MGAT5B: variants seen among roughly 807,000 people sequenced by gnomAD.
MGAT5B encodes the protein alpha-1,6-mannosylglycoprotein 6-beta-N-acetylglucosaminyltransferase B, also known as N-acetylglucosaminyl-transferase Vb.
Under a neutral mutation model 95.1 loss-of-function variants are expected in MGAT5B, and 54 were observed. That is an observed-to-expected ratio of 0.57 (90% CI 0.46 to 0.71). The LOEUF (loss-of-function observed/expected upper bound fraction) is 0.71. MGAT5B is among the 30% of genes least tolerant of loss of function. The pLI is 0.00. For synonymous variants in MGAT5B, 464 were observed against 451.0 expected (o/e 1.03, Z -0.36); for missense variants, 935 against 1,088.6 (o/e 0.86, Z 1.99).
At chr17:76,944,457 T>TG (rs1969973146) in intron 15 of MGAT5B, among the ~76,000 whole-genome samples, 1 of 152,104 alleles carries the variant, frequency 6.6e-6, no homozygotes, top group Non-Finnish European at 1.5e-5. Flanking sequence ...CAGAAGTGTG[T>TG]GGGGCTCAGA....
At chr17:76,874,048 C>T (rs1271746871) in intron 2 of MGAT5B, among the ~76,000 whole-genome samples, 1 of 152,190 alleles carries the variant, frequency 6.6e-6, no homozygotes. Flanking sequence ...TTCACATGCA[C>T]TTCTTTAAAC....
At chr17:76,893,773 T>C (rs925214500) in intron 3 of MGAT5B, among the ~76,000 whole-genome samples, 5 of 152,134 alleles carry the variant, frequency 3.3e-5, no homozygotes, top group African/African-American at 1.2e-4. Context: ...GTTATCCCAG[T>C]GGAAATAGCC....
rs184148357 is a variant in MGAT5B, at chr17:76,938,549, C to G, written c.1584+406C>G. ...GCTAGAGTGCCATTGAGCCACTAGT[C>G]CTGAGTGACTGCTTCAGGGGTCCCT... On this transcript the variant is annotated intron_variant, in intron 13 of 17. Transcript: ENST00000569840. The surrounding 1 kb of genome is among the most constrained non-coding windows in gnomAD (Gnocchi z 4.3). 6.6e-6 allele frequency among the ~76,000 whole-genome samples: 1 copy of G among 152,274 alleles called. No homozygotes were observed. The highest frequency in any genetic ancestry group is 1.5e-5 in the Non-Finnish European group (1 of 68,024).
At position 76,869,193 on chromosome 17, in the gene MGAT5B, G is replaced by A; in HGVS notation, c.68+96G>A. On this transcript the variant is annotated intron_variant, in intron 1 of 17. Transcript: ENST00000569840. The surrounding 1 kb of genome is among the most constrained non-coding windows in gnomAD (Gnocchi z 7.0). Reference sequence around the variant, plus strand: ...CGAACGTTCAAGTCCTGGTGGCAGAGGGGGCGGTTCACACTTCAACCCCTG... The same window carrying A: ...CGAACGTTCAAGTCCTGGTGGCAGAAGGGGCGGTTCACACTTCAACCCCTG... 8.9e-7 allele frequency: 1 copy of A among 1,128,360 alleles called. No individual in the cohort carries two copies. The allele number at this position is 1,128,360 out of a possible 1,614,324, so 69.9% of individuals were successfully genotyped here.
rs796145324 is a variant in MGAT5B, at chr17:76,922,294, C to T, written c.1026-2672C>T. Among the ~76,000 whole-genome samples, 20 of 152,264 alleles carry T rather than the reference C, an allele frequency of 1.3e-4. 1 individual carries two copies. Among genetic ancestry groups the T allele is most frequent in the African/African-American group, 4.8e-4 (20 of 41,542 alleles). On this transcript the variant is annotated intron_variant, in intron 8 of 17. Coordinates refer to ENST00000569840, the MANE Select transcript of MGAT5B (RefSeq NM_001199172.2). Reference sequence around the variant, plus strand: ...TCTTAATTTTACTAGACCCAGATTCCATGTGGGAGGAGCAGCCACCCCCTT... The same window carrying T: ...TCTTAATTTTACTAGACCCAGATTCTATGTGGGAGGAGCAGCCACCCCCTT...
intron 3 of MGAT5B, among the ~76,000 whole-genome samples, chr17:76,886,693 G>A (rs1274065949): frequency 6.6e-6 from 1 of 152,202 alleles, no homozygotes; most frequent in Non-Finnish European, 1.5e-5. Context: ...TGTGGCCGGA[G>A]GACCTGGTGA....
chr17:76,893,887 G>A (rs4789365), intron 3 of MGAT5B, among the ~76,000 whole-genome samples: 11,862 of 152,246 alleles, frequency 0.078, 708 homozygotes, highest in Admixed American at 0.18. Context: ...CCCCCACCCT[G>A]TGCATGGACC....
rs898216310 is a variant in MGAT5B, at chr17:76,916,569, C to T, written c.1026-8397C>T. Among the ~76,000 whole-genome samples the T allele has an allele frequency of 2.6e-5, 4 of 152,200 alleles. No individual in the cohort carries two copies. Among genetic ancestry groups the T allele is most frequent in the African/African-American group, 7.2e-5 (3 of 41,456 alleles). The stretch of plus-strand genomic sequence containing the variant: ...CCAGCACTTTGGGAGGCTGGGATTA[C>T]AGGCAGATCCCTTGAGTCTAGGAGT... On this transcript the variant is annotated intron_variant, in intron 8 of 17. Coordinates refer to ENST00000569840, the MANE Select transcript of MGAT5B (RefSeq NM_001199172.2). The surrounding 1 kb of genome is among the most constrained non-coding windows in gnomAD (Gnocchi z 5.3).
At chr17:76,946,762 T>C (rs1337510247) in intron 16 of MGAT5B, among the ~76,000 whole-genome samples, 1 of 152,230 alleles carries the variant, frequency 6.6e-6, no homozygotes, top group Non-Finnish European at 1.5e-5. Flanking sequence ...GTCTGCTAAC[T>C]GATTGGGATT....
chr17:76,948,778 G>A lies in MGAT5B; in HGVS notation c.2319G>A (p.Arg773=). 1 of 1,608,578 alleles carries A rather than the reference G, an allele frequency of 6.2e-7. No homozygotes were observed. Among genetic ancestry groups the A allele is most frequent in the East Asian group, 2.2e-5 (1 of 44,642 alleles). ...SCAGSNTKYR[R]LCPCRDFRKG... ...CCGGCTCCAACACCAAGTACCGCCGGCTCTGCCCCTGCCGCGACTTCCGCA... is the reference window on the plus strand; with the variant it reads ...CCGGCTCCAACACCAAGTACCGCCGACTCTGCCCCTGCCGCGACTTCCGCA... The change falls in exon 18 of 18, where the codon CGG becomes CGA. Residue 773 remains arginine, a synonymous_variant. Transcript: ENST00000569840.
chr17:76,925,153 C>G, intron 9 of MGAT5B, 56 bp downstream of exon 9: 1 of 1,603,480 alleles, frequency 6.2e-7, no homozygotes, highest in Non-Finnish European at 8.5e-7. Context: ...GAGAAAGCTC[C>G]TCCTTCACGC....
At chr17:76,894,098 C>G (rs985391899) in intron 3 of MGAT5B, among the ~76,000 whole-genome samples, 2 of 152,154 alleles carry the variant, frequency 1.3e-5, no homozygotes, top group Non-Finnish European at 2.9e-5. Context: ...GCCTGGAGGC[C>G]CCTCGTAAGC....
Position 76,905,635 on chromosome 17 carries a change from C to T in MGAT5B, c.855+302C>T, listed in dbSNP as rs1313816207. 7.9e-5 allele frequency among the ~76,000 whole-genome samples: 12 copies of T among 152,166 alleles called. No homozygotes were observed. The highest frequency in any genetic ancestry group is 1.8e-4 in the Non-Finnish European group (12 of 68,016). ...AAGTTGGGAATGTTCTGGGGAGCTT[C>T]GTTAGCTCATGCCTCCATTCTTCCT... On this transcript the variant is annotated intron_variant, in intron 7 of 17. Coordinates refer to ENST00000569840, the MANE Select transcript of MGAT5B (RefSeq NM_001199172.2). This position sits in a 1 kb window ranked among gnomAD's most constrained non-coding sequence, Gnocchi z 4.2.
intron 3 of MGAT5B, among the ~76,000 whole-genome samples, chr17:76,897,693 C>CTT (rs1968123644): frequency 9.5e-6 from 1 of 105,510 alleles, no homozygotes; most frequent in African/African-American, 4.8e-5. Flanking sequence ...TTCTTTCTTT[C>CTT]TTTCTTTCTT....
chr17:76,937,892 C>T lies in MGAT5B; in HGVS notation c.1429-96C>T, dbSNP rs550415834. 1.5e-3 allele frequency: 2,181 copies of T among 1,471,476 alleles called. 3 individuals are homozygous for T. Among genetic ancestry groups the T allele is most frequent in the Middle Eastern group, 2.2e-3 (12 of 5,436 alleles). The allele number at this position is 1,471,476 out of a possible 1,614,324, so 91.2% of individuals were successfully genotyped here. ...TTAATGGCCAACCTGAGACTGGGTC[C>T]ACATCTTCTGACTTCCAGACCAAAG... On this transcript the variant is annotated intron_variant, in intron 12 of 17. Coordinates refer to ENST00000569840, the MANE Select transcript of MGAT5B (RefSeq NM_001199172.2).
At chr17:76,892,597 A>G (rs4789363) in intron 3 of MGAT5B, among the ~76,000 whole-genome samples, 30,928 of 152,256 alleles carry the variant, frequency 0.2, 3,725 homozygotes, top group East Asian at 0.38. Flanking sequence ...CATGATCCTC[A>G]CAGTGACAGC....
chr17:76,934,894 G>A (rs1256712911), intron 12 of MGAT5B, among the ~76,000 whole-genome samples: 1 of 152,172 alleles, frequency 6.6e-6, no homozygotes, highest in Non-Finnish European at 1.5e-5. Context: ...GCCTTCCAGA[G>A]TACAGGGGAT....
rs1475156853 is a variant in MGAT5B at position 76,937,437 on chromosome 17, T to C, written c.1429-551T>C. Among the ~76,000 whole-genome samples the C allele has an allele frequency of 2.0e-5, 3 of 151,112 alleles. No homozygotes were observed. In the East Asian group the frequency reaches 5.8e-4, roughly 29 times the overall value. On this transcript the variant is annotated intron_variant, in intron 12 of 17. Transcript: ENST00000569840. ...GGGTGGATGAGTGGATGGGTGGATG[T>C]TTGAGAGGGATGGATGGGTGAATGG...
chr17:76,939,902 T>G (rs757868269), intron 13 of MGAT5B, among the ~76,000 whole-genome samples: 7 of 152,228 alleles, frequency 4.6e-5, no homozygotes, highest in Admixed American at 3.9e-4. Flanking sequence ...TGTACCATAC[T>G]TTCTTTATCC....
Sources: allele counts gnomAD v4.1 joint callset (sites outside exome capture counted in the v4.1 genomes callset), GRCh38; gene constraint gnomAD v4.1.1; non-coding constraint Gnocchi (gnomAD v3.1); transcripts MANE v1.5; gene names NCBI Gene and HGNC (gene_info 2026-07-23, HGNC 2026-07-21).